ANO3: variants seen among roughly 807,000 people sequenced by gnomAD.
ANO3 encodes the protein anoctamin 3, also known as anoctamin-3.
Under a neutral mutation model 144.8 loss-of-function variants are expected in ANO3, and 99 were observed. The observed-to-expected ratio is 0.68, with a 90% CI of 0.58 to 0.81. The LOEUF is 0.81. Ranked by LOEUF, ANO3 falls within the 30% of genes least tolerant of loss-of-function variation. The pLI is 0.00. For synonymous variants in ANO3, 414 were observed against 392.6 expected (o/e 1.05, Z -0.64); for missense variants, 905 against 1,202.2 (o/e 0.75, Z 3.66).
chr11:26,307,547 T>C (rs1017047650), upstream of ANO3, among the ~76,000 whole-genome samples: 1 of 151,374 alleles, frequency 6.6e-6, no homozygotes, highest in African/African-American at 2.4e-5. Context: ...AAAATTTAAA[T>C]GTCTCTACTA....
chr11:26,575,563 T>C (rs1474576775), intron 14 of ANO3, among the ~76,000 whole-genome samples: 1 of 152,132 alleles, frequency 6.6e-6, no homozygotes, highest in East Asian at 1.9e-4. Context: ...CTAGTATAAA[T>C]TTATTTTAAA....
At chr11:26,336,816 TCA>T (rs1157110117) in intron 1 of ANO3, among the ~76,000 whole-genome samples, 2 of 152,232 alleles carry the variant, frequency 1.3e-5, no homozygotes, top group South Asian at 2.1e-4. Flanking sequence ...CCTGGTATTT[TCA>T]CAGTCTATTC....
intron 12 of ANO3, among the ~76,000 whole-genome samples, chr11:26,548,746 T>G (rs538928385): frequency 2.3e-4 from 35 of 152,012 alleles, no homozygotes; most frequent in Admixed American, 5.9e-4. Flanking sequence ...AAGAAACACC[T>G]ACTGCAAAAA....
chr11:26,438,575 C>T (rs1858377726), intron 1 of ANO3, among the ~76,000 whole-genome samples: 1 of 103,460 alleles, frequency 9.7e-6, no homozygotes. Flanking sequence ...GGTGAAATCC[C>T]ATCTCTACTA....
chr11:26,318,377 T>TCATGGCTGCATA (rs1829547815), intron 1 of ANO3, among the ~76,000 whole-genome samples: 1 of 152,150 alleles, frequency 6.6e-6, no homozygotes, highest in Non-Finnish European at 1.5e-5. Flanking sequence ...TTAACTAAGG[T>TCATGGCTGCATA]CTTCTGAGGT....
chr11:26,635,185 C>A, intron 20 of ANO3, 115 bp downstream of exon 20: 3 of 867,322 alleles, frequency 3.5e-6, no homozygotes, highest in Non-Finnish European at 3.6e-6. Flanking sequence ...ATATTGAAGA[C>A]GACACATTGT....
intron 1 of ANO3, among the ~76,000 whole-genome samples, chr11:26,212,262 C>T (rs1239711550): frequency 1.3e-5 from 2 of 151,068 alleles, no homozygotes; most frequent in South Asian, 2.1e-4. Flanking sequence ...TCAAAAGCTA[C>T]CAGGAGACAG....
chr11:26,534,369 A>G, intron 8 of ANO3, 87 bp from the exon 9 acceptor site: 1 of 776,554 alleles, frequency 1.3e-6, no homozygotes, highest in African/African-American at 1.7e-5. Context: ...ACTATGCTTC[A>G]TATGCATTAG....
intron 1 of ANO3, among the ~76,000 whole-genome samples, chr11:26,264,473 A>T (rs1853262910): frequency 6.6e-6 from 1 of 152,224 alleles, no homozygotes. Context: ...TTTTCATAAT[A>T]CAAAGTGATG....
chr11:26,191,533 T>C (rs1489874613), intron 1 of ANO3, among the ~76,000 whole-genome samples: 1 of 152,098 alleles, frequency 6.6e-6, no homozygotes, highest in Non-Finnish European at 1.5e-5. Context: ...GAAGCACAAC[T>C]CTCACCCATT....
At chr11:26,470,204 G>A (rs1445401464) in intron 4 of ANO3, among the ~76,000 whole-genome samples, 1 of 151,808 alleles carries the variant, frequency 6.6e-6, no homozygotes, top group African/African-American at 2.4e-5. Context: ...GAGCCCAGGA[G>A]TTTGAGAACA....
At chr11:26,247,768 G>A (rs149602141) in intron 1 of ANO3, among the ~76,000 whole-genome samples, 2,251 of 120,100 alleles carry the variant, frequency 0.019, 45 homozygotes, top group East Asian at 0.12. Flanking sequence ...TCACACTGTC[G>A]TCCAGGCTGG....
chr11:26,444,365 C>T (rs190781106), intron 3 of ANO3, among the ~76,000 whole-genome samples: 1 of 152,144 alleles, frequency 6.6e-6, no homozygotes, highest in Non-Finnish European at 1.5e-5. Flanking sequence ...TTTTCATTTT[C>T]ATGAATTAAA....
chr11:26,564,677 A>G (rs1358938163), intron 14 of ANO3, among the ~76,000 whole-genome samples: 2 of 134,616 alleles, frequency 1.5e-5, no homozygotes, highest in Non-Finnish European at 3.2e-5. Context: ...ACTCATATAT[A>G]TATACTCATA....
exon 1 of ANO3, among the ~76,000 whole-genome samples, chr11:26,188,941 A>T (rs1229991567): frequency 3.3e-5 from 5 of 152,270 alleles, no homozygotes; most frequent in Non-Finnish European, 7.3e-5. Flanking sequence ...AAGAAAAAAG[A>T]CTCTAAAATT....
At chr11:26,299,283 T>C (rs749920614) in intron 1 of ANO3, among the ~76,000 whole-genome samples, 2 of 152,210 alleles carry the variant, frequency 1.3e-5, no homozygotes, top group African/African-American at 2.4e-5. Context: ...TGATTAATTA[T>C]ATAGCATGCC....
intron 14 of ANO3, chr11:26,565,118 G>A (rs746971412): frequency 2.0e-6 from 3 of 1,477,514 alleles, no homozygotes; most frequent in Non-Finnish European, 2.7e-6. Context: ...GACTTATTTG[G>A]AATTTCAGTT....
chr11:26,204,762 A>G (rs553466048), intron 1 of ANO3, among the ~76,000 whole-genome samples: 1 of 152,248 alleles, frequency 6.6e-6, no homozygotes, highest in South Asian at 2.1e-4. Context: ...TTTATCTCCC[A>G]TATTATCTGA....
chr11:26,633,311 CTT>C (rs1852845395), intron 18 of ANO3, among the ~76,000 whole-genome samples: 1 of 152,110 alleles, frequency 6.6e-6, no homozygotes. Flanking sequence ...TAGAAATCAT[CTT>C]GTCTAAATCC....
Sources: allele counts gnomAD v4.1 joint callset (sites outside exome capture counted in the v4.1 genomes callset), GRCh38; gene constraint gnomAD v4.1.1; transcripts MANE v1.5; gene names NCBI Gene and HGNC (gene_info 2026-07-23, HGNC 2026-07-21).